CEP63: variants seen among roughly 807,000 people sequenced by gnomAD.
CEP63 encodes the protein centrosomal protein 63, also known as centrosomal protein of 63 kDa.
CEP63 carries 84 observed loss-of-function variants against 89.1 expected under a neutral mutation model. The ratio of observed to expected loss-of-function variants is 0.94; its 90% confidence interval spans 0.79 to 1.13. The LOEUF (loss-of-function observed/expected upper bound fraction) is 1.13. Among genes scored for constraint, CEP63 ranks in the 50% most tolerant of loss-of-function variants. The probability of loss-of-function intolerance (pLI) is 0.00; values close to 1 mark genes in which losing one functional copy is unlikely to be tolerated. For missense variants in CEP63, 838 were observed against 813.3 expected (o/e 1.03, Z -0.37); for synonymous variants, 267 against 272.5 (o/e 0.98, Z 0.20).
the CEP63 span, among the ~76,000 whole-genome samples, chr3:134,696,239 G>A: frequency 6.6e-6 from 1 of 152,318 alleles, no homozygotes; most frequent in African/African-American, 2.4e-5. Flanking sequence ...CTCTCTAAGC[G>A]TGACTTGCCC....
At chr3:134,684,401 C>T in the CEP63 span, among the ~76,000 whole-genome samples, 1 of 152,212 alleles carries the variant, frequency 6.6e-6, no homozygotes, top group Non-Finnish European at 1.5e-5. Context: ...CTTGCTTAAG[C>T]ACAGGCTCCT....
At chr3:134,730,855 T>C in the CEP63 span, among the ~76,000 whole-genome samples, 3 of 152,038 alleles carry the variant, frequency 2.0e-5, no homozygotes, top group East Asian at 3.9e-4. Context: ...TCATTATACC[T>C]CAATTAAACA....
chr3:134,605,839 C>T, the CEP63 span, among the ~76,000 whole-genome samples: 2 of 152,180 alleles, frequency 1.3e-5, no homozygotes, highest in African/African-American at 2.4e-5. Flanking sequence ...CTTTGCGACC[C>T]CCACTCTTTG....
At chr3:134,574,750 C>T (rs536263769) in intron 11 of CEP63, 182 of 574,870 alleles carry the variant, frequency 3.2e-4, no homozygotes, top group Middle Eastern at 2.3e-3. Context: ...ACTTCAGGCA[C>T]GTGCCACCAC....
chr3:134,610,542 T>G, the CEP63 span: 8 of 641,138 alleles, frequency 1.2e-5, no homozygotes, highest in South Asian at 1.4e-4. Flanking sequence ...CCTTGATGGC[T>G]TTTATCTCGG....
chr3:134,656,348 G>A, the CEP63 span, among the ~76,000 whole-genome samples: 1 of 152,188 alleles, frequency 6.6e-6, no homozygotes, highest in African/African-American at 2.4e-5. Context: ...GTGAAAGCAG[G>A]CCAGTCTGGT....
At chr3:134,659,564 T>G in the CEP63 span, among the ~76,000 whole-genome samples, 1 of 152,230 alleles carries the variant, frequency 6.6e-6, no homozygotes, top group Non-Finnish European at 1.5e-5. Flanking sequence ...CTTGCCATTC[T>G]GCACGTTTCA....
At chr3:134,776,408 T>G in the CEP63 span, among the ~76,000 whole-genome samples, 2 of 152,164 alleles carry the variant, frequency 1.3e-5, no homozygotes, top group African/African-American at 4.8e-5. Context: ...TACTTAATTT[T>G]TTTTTCATAT....
In CEP63 at chr3:134,563,538, T is replaced by G. The variant is rs1457940558; in HGVS notation, c.*2003T>G. 1.3e-5 allele frequency: 2 copies of G among 152,358 alleles called. No individual in the cohort carries two copies. The highest frequency in any genetic ancestry group is 2.9e-5 in the Non-Finnish European group (2 of 68,236). The allele number at this position is 152,358 out of a possible 1,614,324, so 9.4% of individuals were successfully genotyped here. ...CCCGGGCTCAAGTGATTCTCCTGCC[T>G]TAGCTTCCCGAGTAGCTGGGATTAC... On this transcript the variant is annotated 3_prime_UTR_variant, in exon 15 of 15. Coordinates refer to ENST00000675561, the MANE Select transcript of CEP63 (RefSeq NM_001353108.3).
At chr3:134,776,122 A>T in the CEP63 span, among the ~76,000 whole-genome samples, 1 of 152,192 alleles carries the variant, frequency 6.6e-6, no homozygotes, top group Non-Finnish European at 1.5e-5. Context: ...GCCCTCTGGG[A>T]TACCATGCAC....
the CEP63 span, among the ~76,000 whole-genome samples, chr3:134,631,574 C>G: frequency 2.6e-5 from 4 of 151,994 alleles, no homozygotes; most frequent in Non-Finnish European, 5.9e-5. Flanking sequence ...AAATATATGA[C>G]AACTACAACA....
the CEP63 span, among the ~76,000 whole-genome samples, chr3:134,742,031 G>T: frequency 6.6e-6 from 1 of 151,722 alleles, no homozygotes; most frequent in Non-Finnish European, 1.5e-5. Flanking sequence ...CGTTCCAAAG[G>T]GGTACAACCA....
the CEP63 span, among the ~76,000 whole-genome samples, chr3:134,635,883 C>T: frequency 1.6e-4 from 24 of 152,162 alleles, no homozygotes; most frequent in African/African-American, 5.8e-4. Context: ...AATCCAAAGC[C>T]GATTATAGTA....
chr3:134,620,666 C>A, the CEP63 span: 4 of 958,662 alleles, frequency 4.2e-6, no homozygotes, highest in African/African-American at 1.6e-5. Flanking sequence ...ACTCTGCACA[C>A]GTGAATAAGC....
At chr3:134,671,061 C>T in the CEP63 span, among the ~76,000 whole-genome samples, 35 of 152,032 alleles carry the variant, frequency 2.3e-4, no homozygotes, top group African/African-American at 7.2e-4. Context: ...TCCTCTGGGG[C>T]GGAAGGGAGA....
At chr3:134,608,331 G>T in the CEP63 span, 1 of 1,275,922 alleles carries the variant, frequency 7.8e-7, no homozygotes, top group African/African-American at 1.5e-5. Context: ...TGGCTTCTGT[G>T]ACATGCCAGG....
At chr3:134,691,677 A>G in the CEP63 span, among the ~76,000 whole-genome samples, 2 of 152,306 alleles carry the variant, frequency 1.3e-5, no homozygotes, top group African/African-American at 2.4e-5. Flanking sequence ...ACATGCTAAT[A>G]TATTTCATGA....
chr3:134,610,103 G>A, the CEP63 span: 29 of 1,378,588 alleles, frequency 2.1e-5, no homozygotes, highest in Non-Finnish European at 2.5e-5. Context: ...TTCCCCTCCC[G>A]CTTGGTCTTC....
At chr3:134,546,043 A>G (rs1953234776) in intron 7 of CEP63, 106 bp from the exon 8 acceptor site, 1 of 1,265,704 alleles carries the variant, frequency 7.9e-7, no homozygotes, top group Non-Finnish European at 1.1e-6. Flanking sequence ...TTCTCGTGAA[A>G]TAGAAAAATT....
Sources: gnomAD v4.1 joint callset for allele counts (sites outside exome capture counted in the v4.1 genomes callset) on GRCh38, gnomAD v4.1.1 for gene constraint, MANE v1.5 for transcripts, NCBI Gene and HGNC (gene_info 2026-07-23, HGNC 2026-07-21) for gene names.